SLC22A16: variants seen among roughly 807,000 people sequenced by gnomAD.
SLC22A16 encodes WUGSC:RG331P03.1.
A neutral mutation model predicts 52.9 loss-of-function variants in SLC22A16; 53 were observed. That is an observed-to-expected ratio of 1.00 (90% CI 0.80 to 1.26). SLC22A16 has a LOEUF of 1.26. Ranked by LOEUF, SLC22A16 falls within the 50% of genes most tolerant of loss-of-function variation. The pLI, the probability that SLC22A16 is intolerant of heterozygous loss-of-function variation, is 0.00. For missense variants in SLC22A16, 726 were observed against 704.0 expected (o/e 1.03, Z -0.35); for synonymous variants, 291 against 268.8 (o/e 1.08, Z -0.81).
At chr6:110,470,061 A>C (rs1248076298) in intron 1 of SLC22A16, among the ~76,000 whole-genome samples, 1 of 152,200 alleles carries the variant, frequency 6.6e-6, no homozygotes, top group Non-Finnish European at 1.5e-5. Context: ...GTAGTTTTTA[A>C]CTAAAGGAGT....
At chr6:110,434,704 G>T (rs922760542) in intron 6 of SLC22A16, among the ~76,000 whole-genome samples, 9 of 152,294 alleles carry the variant, frequency 5.9e-5, no homozygotes, top group Middle Eastern at 3.4e-3. Flanking sequence ...TCTCGGCTAG[G>T]CGTGGTGGCT....
chr6:110,438,737 C>A lies in SLC22A16; in HGVS notation c.1294G>T (p.Val432Phe). The A allele has an allele frequency of 1.9e-6, 3 of 1,613,440 alleles. No homozygotes were observed. Among genetic ancestry groups the A allele is most frequent in the Non-Finnish European group, 2.5e-6 (3 of 1,179,706 alleles). The stretch of plus-strand genomic sequence containing the variant: ...TAACTCACCTGGGGGATCACCATAA[C>A]GACACCACAGGCCAGTGCACTGCAG... The part of the protein sequence containing the change: ...LFCSALACGV[V>F]MVIPQKHYIL... The change falls in exon 5 of 8, where the codon GTT (valine) becomes TTT (phenylalanine). Residue 432 changes from valine (V) to phenylalanine (F), a missense_variant. Transcript: ENST00000368919.
At chr6:110,428,421 T>C (rs1451864854) in intron 7 of SLC22A16, among the ~76,000 whole-genome samples, 1 of 152,184 alleles carries the variant, frequency 6.6e-6, no homozygotes, top group Non-Finnish European at 1.5e-5. Flanking sequence ...GTGCTCACTT[T>C]TGTATAGATT....
chr6:110,440,727 A>C (rs914321103), intron 4 of SLC22A16, among the ~76,000 whole-genome samples: 1 of 152,202 alleles, frequency 6.6e-6, no homozygotes, highest in African/African-American at 2.4e-5. Flanking sequence ...CAGTGAGCTG[A>C]GATCACACCA....
chr6:110,455,054 T>TTA lies in SLC22A16; in HGVS notation c.533+1482_533+1483dup, dbSNP rs201528797. 8.0e-4 allele frequency among the ~76,000 whole-genome samples: 104 copies of TTA among 129,862 alleles called. 1 individual carries two copies. The highest frequency in any genetic ancestry group is 1.9e-3 in the African/African-American group (65 of 34,612). The allele number at this position is 129,862 out of a possible 152,430, so 85.2% of individuals were successfully genotyped here. A position where few individuals can be genotyped will look rare whatever the true frequency, so the allele number is the denominator to read the frequency against. ...CACTAATATATTTTTTATTTATATA[T>TTA]TATATATATATATACACACACATCT... On this transcript the variant is annotated intron_variant, in intron 2 of 7. Transcript: ENST00000368919.
chr6:110,474,726 T>C (rs1224859655), intron 1 of SLC22A16, among the ~76,000 whole-genome samples: 1 of 152,236 alleles, frequency 6.6e-6, no homozygotes, highest in East Asian at 1.9e-4. Flanking sequence ...GGGAGCCCCA[T>C]GCAGTGGATG....
At chr6:110,434,135 G>A (rs1774619661) in intron 6 of SLC22A16, among the ~76,000 whole-genome samples, 1 of 152,092 alleles carries the variant, frequency 6.6e-6, no homozygotes, top group South Asian at 2.1e-4. Context: ...AGCTACTCAG[G>A]AGGCTGAGGC....
Position 110,425,037 on chromosome 6 carries a change from G to A in SLC22A16, c.1570C>T (p.Leu524Phe). 4 of 1,614,166 alleles carry A rather than the reference G, an allele frequency of 2.5e-6. No homozygotes were observed. The highest frequency in any genetic ancestry group is 1.1e-5 in the South Asian group (1 of 91,084). The change falls in exon 8 of 8, where the codon CTT (leucine) becomes TTT (phenylalanine). Residue 524 changes from leucine to phenylalanine, a missense_variant. Coordinates refer to ENST00000368919, the MANE Select transcript of SLC22A16 (RefSeq NM_033125.4). ...AGCCGTTTCCCAAGGGTTTCTGGAA[G>A]CTTTAGTGTTAACACTCCACTCAGG... ...ALLSGVLTLKLPETLGKRLAT... is the reference protein window; with the variant it reads ...ALLSGVLTLKFPETLGKRLAT...
chr6:110,450,439 C>T (rs1374920928), intron 2 of SLC22A16, among the ~76,000 whole-genome samples: 3 of 151,530 alleles, frequency 2.0e-5, no homozygotes, highest in African/African-American at 7.3e-5. Flanking sequence ...TGGTGAAACC[C>T]CTACTCTGCT....
chr6:110,471,391 A>T (rs909047031), intron 1 of SLC22A16, among the ~76,000 whole-genome samples: 1 of 152,238 alleles, frequency 6.6e-6, no homozygotes, highest in Non-Finnish European at 1.5e-5. Context: ...ACTTCTCAGA[A>T]GTATCTCTGT....
intron 1 of SLC22A16, among the ~76,000 whole-genome samples, chr6:110,458,706 G>A (rs1279380072): frequency 1.3e-5 from 2 of 152,174 alleles, no homozygotes; most frequent in Non-Finnish European, 2.9e-5. Context: ...ACCAGTTGAG[G>A]TGGGCATCAT....
chr6:110,446,855 G>A lies in SLC22A16; in HGVS notation c.651+18C>T, dbSNP rs760778497. On this transcript the variant is annotated intron_variant, in intron 3 of 7. Transcript: ENST00000368919. ...GAAAAACTGCAGCAGAATTAAAGAA[G>A]TAAAAAACACAACTCACCATGGCAA... is the stretch of plus-strand genomic sequence containing the variant. The A allele has an allele frequency of 6.3e-7, 1 of 1,590,768 alleles. No homozygotes were observed. The highest frequency in any genetic ancestry group is 2.2e-5 in the East Asian group (1 of 44,644).
intron 7 of SLC22A16, among the ~76,000 whole-genome samples, chr6:110,428,113 G>C (rs1475638536): frequency 6.6e-6 from 1 of 152,190 alleles, no homozygotes; most frequent in Non-Finnish European, 1.5e-5. Flanking sequence ...ATCAGAACGA[G>C]TGATTTTTCA....
At chr6:110,450,039 T>C (rs1234453997) in intron 2 of SLC22A16, among the ~76,000 whole-genome samples, 1 of 152,196 alleles carries the variant, frequency 6.6e-6, no homozygotes, top group Non-Finnish European at 1.5e-5. Flanking sequence ...ACAACTTCCA[T>C]TGATCATTCC....
chr6:110,450,344 G>T (rs536975050), intron 2 of SLC22A16, among the ~76,000 whole-genome samples: 1 of 152,250 alleles, frequency 6.6e-6, no homozygotes, highest in African/African-American at 2.4e-5. Context: ...GGGCATGGCG[G>T]CTCATGCCTG....
At position 110,430,014 on chromosome 6, in the gene SLC22A16, C is replaced by A. The variant is rs116822281; in HGVS notation, c.1521+1157G>T. 9.7e-3 allele frequency among the ~76,000 whole-genome samples: 1,472 copies of A among 151,904 alleles called. 25 individuals are homozygous for A. Among genetic ancestry groups the A allele is most frequent in the African/African-American group, 0.034 (1,401 of 41,408 alleles). ...CAGGGGAGCTGTGCAGGGGGTCAAT[C>A]GGGAAAAGCCCTGGATATCAGCTGA... On this transcript the variant is annotated intron_variant, in intron 7 of 7. Transcript: ENST00000368919.
chr6:110,467,003 T>C (rs1391721530), intron 1 of SLC22A16, among the ~76,000 whole-genome samples: 2 of 152,162 alleles, frequency 1.3e-5, no homozygotes, highest in East Asian at 3.8e-4. Flanking sequence ...TTATTACACA[T>C]CATCTAGCCT....
chr6:110,462,066 G>A (rs1240903613), intron 1 of SLC22A16, among the ~76,000 whole-genome samples: 1 of 152,198 alleles, frequency 6.6e-6, no homozygotes, highest in Non-Finnish European at 1.5e-5. Context: ...AGCTTGTGCA[G>A]AGAAACTCCC....
chr6:110,435,683 G>A (rs1774694669), intron 6 of SLC22A16, among the ~76,000 whole-genome samples, 169 bp downstream of exon 6: 1 of 152,160 alleles, frequency 6.6e-6, no homozygotes, highest in Non-Finnish European at 1.5e-5. Context: ...CTCACTAATA[G>A]GGTACAAAGC....
Sources: gnomAD v4.1 joint callset for allele counts (sites outside exome capture counted in the v4.1 genomes callset) on GRCh38, gnomAD v4.1.1 for gene constraint, MANE v1.5 for transcripts, NCBI Gene and HGNC (gene_info 2026-07-23, HGNC 2026-07-21) for gene names.